GCKR: variants seen among roughly 807,000 people sequenced by gnomAD.
GCKR encodes the protein glucokinase regulator.
In GCKR, 73 loss-of-function variants were observed where a neutral mutation model predicts 82.9. That is an observed-to-expected ratio of 0.88 (90% CI 0.73 to 1.07). GCKR has a LOEUF of 1.07. Ranked by LOEUF, GCKR falls within the 50% of genes least tolerant of loss-of-function variation. The pLI, the probability that GCKR is intolerant of heterozygous loss-of-function variation, is 0.00. For synonymous variants in GCKR, 294 were observed against 291.8 expected (o/e 1.01, Z -0.08); for missense variants, 784 against 782.1 (o/e 1.00, Z -0.03).
chr2:27,502,122 G>A (rs150139192), intron 8 of GCKR, among the ~76,000 whole-genome samples: 26 of 152,266 alleles, frequency 1.7e-4, no homozygotes, highest in African/African-American at 5.5e-4. Flanking sequence ...TGTATTTAGC[G>A]GTGGTCTTGG....
intron 16 of GCKR, among the ~76,000 whole-genome samples, chr2:27,508,828 T>C (rs368785750): frequency 6.6e-6 from 1 of 151,914 alleles, no homozygotes. Context: ...AGGTTAATTC[T>C]TGATACCAAA....
At chr2:27,500,281 G>C (rs1307321315) in intron 7 of GCKR, among the ~76,000 whole-genome samples, 1 of 151,860 alleles carries the variant, frequency 6.6e-6, no homozygotes, top group Non-Finnish European at 1.5e-5. Context: ...GTAGAGACAG[G>C]GTTTCTACTA....
chr2:27,521,232 A>G (rs1345959790), intron 17 of GCKR, among the ~76,000 whole-genome samples: 1 of 152,044 alleles, frequency 6.6e-6, no homozygotes, highest in Non-Finnish European at 1.5e-5. Context: ...ATATTATTAA[A>G]ATTGATTTCA....
intron 8 of GCKR, 86 bp downstream of exon 8, chr2:27,501,315 A>G (rs910393457): frequency 1.1e-6 from 1 of 871,068 alleles, no homozygotes; most frequent in Admixed American, 1.7e-5. Context: ...AAGGGAGAGA[A>G]CAGATAGTCT....
chr2:27,518,919 G>A lies in GCKR; in HGVS notation c.1554G>A (p.Arg518=), dbSNP rs1670081537. 1 of 1,613,550 alleles carries A rather than the reference G, an allele frequency of 6.2e-7. No individual in the cohort carries two copies. Among genetic ancestry groups the A allele is most frequent in the East Asian group, 2.2e-5 (1 of 44,870 alleles). ...LRISNSKLFW[R]ALAMLQRFSG... The stretch of plus-strand genomic sequence containing the variant: ...TTAGCAACTCCAAGCTCTTCTGGCG[G>A]GCGCTGGCCATGCTGCAGGTAGGGA... The change falls in exon 17 of 19, where the codon CGG becomes CGA. Residue 518 remains arginine (R), a synonymous_variant. Transcript: ENST00000264717.
At chr2:27,497,213 C>A (rs1212487703) in intron 1 of GCKR, 31 bp from the exon 2 acceptor site, 1 of 1,613,936 alleles carries the variant, frequency 6.2e-7, no homozygotes, top group Non-Finnish European at 8.5e-7. Flanking sequence ...CTTTGGCTTC[C>A]TGCTCCATCC....
chr2:27,513,909 T>G (rs1289516742), intron 16 of GCKR, among the ~76,000 whole-genome samples: 12 of 144,676 alleles, frequency 8.3e-5, no homozygotes, highest in Non-Finnish European at 1.5e-4. Flanking sequence ...TTATTTGCAT[T>G]TGTGTGTGTG....
intron 8 of GCKR, among the ~76,000 whole-genome samples, chr2:27,502,342 G>A (rs140281291): frequency 1.1e-3 from 172 of 152,282 alleles, no homozygotes; most frequent in African/African-American, 3.7e-3. Flanking sequence ...TTCAAACAAC[G>A]TAGGCGTGGA....
In GCKR at chr2:27,505,634, C is replaced by T. The variant is rs1572864187; in HGVS notation, c.751-84C>T. 4 of 777,178 alleles carry T rather than the reference C, an allele frequency of 5.1e-6. No homozygotes were observed. In the East Asian group the frequency reaches 7.6e-5, roughly 15 times the overall value. 48.1% of individuals were successfully genotyped at this position (777,178 alleles called of 1,614,324 possible). On this transcript the variant is annotated intron_variant, in intron 9 of 18. Coordinates refer to ENST00000264717, the MANE Select transcript of GCKR (RefSeq NM_001486.4). ...ACACTGGGGGCCACTGGTACTATCA[C>T]ATGCATGCCCGGGGGTTACTAACAA...
chr2:27,502,868 G>A (rs755689075), intron 8 of GCKR, among the ~76,000 whole-genome samples: 1 of 152,240 alleles, frequency 6.6e-6, no homozygotes, highest in Non-Finnish European at 1.5e-5. Context: ...CCCTAGCAAA[G>A]CCATTAGAAA....
At position 27,505,671 on chromosome 2, in the gene GCKR, G is replaced by T. The variant is rs1669714104; in HGVS notation, c.751-47G>T. 4 of 987,468 alleles carry T rather than the reference G, an allele frequency of 4.1e-6. No individual in the cohort carries two copies. The East Asian group carries it at 7.2e-5, about 18-fold the overall frequency. The allele number at this position is 987,468 out of a possible 1,614,324, so 61.2% of individuals were successfully genotyped here. On this transcript the variant is annotated intron_variant, in intron 9 of 18. Transcript: ENST00000264717. ...GGGGTTACTAACAAGTGGTCTACGG[G>T]GTCTTCATCCTCTCCCAATTCCTCT... is the stretch of plus-strand genomic sequence containing the variant.
intron 17 of GCKR, 58 bp from the exon 18 acceptor site, chr2:27,522,402 T>C (rs1670170882): frequency 6.3e-7 from 1 of 1,586,630 alleles, no homozygotes; most frequent in African/African-American, 1.3e-5. Flanking sequence ...CTCCCTTGAC[T>C]CCATTCTTAG....
intron 11 of GCKR, 91 bp from the exon 12 acceptor site, chr2:27,506,697 C>T: frequency 9.1e-7 from 1 of 1,095,582 alleles, no homozygotes; most frequent in Non-Finnish European, 1.4e-6. Flanking sequence ...GTTGAAGGGT[C>T]ATGGTTTGTT....
intron 16 of GCKR, among the ~76,000 whole-genome samples, chr2:27,508,949 G>C (rs771209338): frequency 2.3e-4 from 35 of 151,362 alleles, no homozygotes; most frequent in Non-Finnish European, 3.7e-4. Flanking sequence ...GCTTGCCAAT[G>C]AATTATAATC....
rs761217665 is a variant in GCKR, at chr2:27,506,893, C to A, written c.1066+8C>A. 1.9e-6 allele frequency: 3 copies of A among 1,555,138 alleles called. No individual in the cohort carries two copies. Among genetic ancestry groups the A allele is most frequent in the Non-Finnish European group, 2.7e-6 (3 of 1,126,152 alleles). The stretch of plus-strand genomic sequence containing the variant: ...TCCACACCTTTGGTGCTGGTGGGAC[C>A]CCAGTCCAGATGTTCTTCCTGCTTC... On this transcript the variant is annotated splice_region_variant and intron_variant, in intron 12 of 18. Coordinates refer to ENST00000264717, the MANE Select transcript of GCKR (RefSeq NM_001486.4).
At chr2:27,505,942 A>C in intron 10 of GCKR, 106 bp downstream of exon 10, 1 of 768,252 alleles carries the variant, frequency 1.3e-6, no homozygotes, top group Non-Finnish European at 2.4e-6. Flanking sequence ...TGGCAGTAAG[A>C]CTGCAGCCCA....
At chr2:27,498,680 T>G in intron 4 of GCKR, 44 bp from the exon 5 acceptor site, 1 of 1,181,640 alleles carries the variant, frequency 8.5e-7, no homozygotes, top group South Asian at 1.2e-5. Context: ...GATAATTGTT[T>G]CTTCTCTGTC....
intron 17 of GCKR, among the ~76,000 whole-genome samples, chr2:27,521,423 T>G (rs941692523): frequency 6.6e-6 from 1 of 151,284 alleles, no homozygotes; most frequent in Admixed American, 6.6e-5. Context: ...CTCCACCTCC[T>G]GGGTTCAAGT....
In GCKR at chr2:27,498,455, C is replaced by G. The variant is rs4270306; in HGVS notation, c.354+132C>G. The G allele has an allele frequency of 0.013, 9,156 of 715,532 alleles. 412 individuals are homozygous for G. The highest frequency in any genetic ancestry group is 0.12 in the African/African-American group (6,713 of 56,908). 44.3% of individuals were successfully genotyped at this position (715,532 alleles called of 1,614,324 possible). On this transcript the variant is annotated intron_variant, in intron 4 of 18. Coordinates refer to ENST00000264717, the MANE Select transcript of GCKR (RefSeq NM_001486.4). ...CTGGACTCCAAGCCTGGCTCTTTCT[C>G]TCTTCCAAAAGCTAGATGTCACCAT...
Sources: gnomAD v4.1 joint callset for allele counts (sites outside exome capture counted in the v4.1 genomes callset) on GRCh38, gnomAD v4.1.1 for gene constraint, MANE v1.5 for transcripts, NCBI Gene and HGNC (gene_info 2026-07-23, HGNC 2026-07-21) for gene names.